The following CFAP61 variants were observed in gnomAD, a reference collection of about 807,000 sequenced individuals.
The protein encoded by CFAP61 is cilia and flagella associated protein 61.
Under a neutral mutation model 135.6 loss-of-function variants are expected in CFAP61, and 107 were observed. The observed-to-expected ratio is 0.79, with a 90% confidence interval of 0.67 to 0.93. The LOEUF (loss-of-function observed/expected upper bound fraction) is 0.93, where lower values mean the gene tolerates loss of function less well. CFAP61 is among the 40% of genes least tolerant of loss of function. CFAP61 has a pLI of 0.00. For synonymous variants in CFAP61, 575 were observed against 578.5 expected (o/e 0.99, Z 0.09); for missense variants, 1,507 against 1,556.2 (o/e 0.97, Z 0.53).
At chr20:20,240,861 C>G (rs886437889) in intron 18 of CFAP61, among the ~76,000 whole-genome samples, 4 of 152,220 alleles carry the variant, frequency 2.6e-5, no homozygotes, top group African/African-American at 9.6e-5. Flanking sequence ...GCAGCACTCT[C>G]TGCCCATTTC....
chr20:20,288,709 A>G lies in CFAP61; in HGVS notation c.2897A>G (p.Asn966Ser), dbSNP rs2054776315. Residue 966 changes from asparagine to serine, a missense_variant, in exon 23 of 27, where the codon AAC becomes AGC. Coordinates refer to ENST00000245957, the MANE Select transcript of CFAP61 (RefSeq NM_015585.4). ...VYDSRLVIDT[N>S]FHTNDIAIRA... The stretch of plus-strand genomic sequence containing the variant: ...GACAGTCGACTTGTGATTGATACCA[A>G]CTTCCACACCAACGACATAGCCATC... The G allele has an allele frequency of 6.2e-7, 1 of 1,613,992 alleles. No homozygotes were observed. Among genetic ancestry groups the G allele is most frequent in the Admixed American group, 1.7e-5 (1 of 59,998 alleles).
chr20:20,335,159 T>C (rs1354879187), intron 25 of CFAP61, among the ~76,000 whole-genome samples: 1 of 152,174 alleles, frequency 6.6e-6, no homozygotes, highest in Non-Finnish European at 1.5e-5. Flanking sequence ...GAGGTAGAAG[T>C]CACACATGGA....
chr20:20,229,351 T>A (rs1003110), intron 18 of CFAP61, among the ~76,000 whole-genome samples: 10,627 of 152,258 alleles, frequency 0.07, 1,178 homozygotes, highest in East Asian at 0.53. Context: ...TTTAAAAAGT[T>A]TCATAGATGT....
intron 25 of CFAP61, among the ~76,000 whole-genome samples, chr20:20,328,966 C>T (rs1180321631): frequency 6.6e-6 from 1 of 152,170 alleles, no homozygotes; most frequent in Non-Finnish European, 1.5e-5. Flanking sequence ...TCAAGAAACC[C>T]CTTGGGACCT....
intron 8 of CFAP61, among the ~76,000 whole-genome samples, chr20:20,122,111 T>C (rs1172281616): frequency 2.0e-5 from 3 of 151,278 alleles, no homozygotes; most frequent in East Asian, 3.9e-4. Flanking sequence ...CTCCCAGCTT[T>C]CCCCCCAAGT....
At chr20:20,093,464 T>C (rs921875627) in intron 7 of CFAP61, among the ~76,000 whole-genome samples, 8 of 151,336 alleles carry the variant, frequency 5.3e-5, no homozygotes, top group African/African-American at 1.9e-4. Flanking sequence ...AGACAGAGTC[T>C]TGCTCTGTTG....
At chr20:20,199,671 C>T (rs2056503432) in intron 16 of CFAP61, 97 bp from the exon 17 acceptor site, 13 of 1,378,584 alleles carry the variant, frequency 9.4e-6, no homozygotes, top group Admixed American at 4.3e-5. Context: ...CTGACTTGGC[C>T]GAGTTAAGAG....
chr20:20,203,818 C>G (rs2056740918), intron 17 of CFAP61, among the ~76,000 whole-genome samples: 1 of 152,046 alleles, frequency 6.6e-6, no homozygotes, highest in South Asian at 2.1e-4. Context: ...AGCTTCCAGT[C>G]TAGTTTCAGT....
At chr20:20,294,636 T>G (rs1286836494) in intron 24 of CFAP61, among the ~76,000 whole-genome samples, 1 of 152,126 alleles carries the variant, frequency 6.6e-6, no homozygotes, top group Non-Finnish European at 1.5e-5. Context: ...CGTTTAAAAA[T>G]AATACCAAAA....
intron 26 of CFAP61, among the ~76,000 whole-genome samples, chr20:20,355,231 G>A (rs2059045290): frequency 6.7e-6 from 1 of 148,696 alleles, no homozygotes; most frequent in Non-Finnish European, 1.5e-5. Flanking sequence ...ATCACACTAA[G>A]GGGAGGTGGT....
At position 20,263,025 on chromosome 20, in the gene CFAP61, C is replaced by T. The variant is rs764337986; in HGVS notation, c.2398C>T (p.Arg800Trp). ...TNREVPNSSQ[R>W]RYTGKVPCNH... is the part of the protein sequence containing the mutation. ...CAGGGAGGTTCCCAACAGCAGTCAG[C>T]GGCGGTACACGGGGAAAGTTCCTTG... The change falls in exon 21 of 27, where the codon CGG becomes TGG. Residue 800 changes from arginine (R) to tryptophan (W), a missense_variant. Transcript: ENST00000245957. 12 of 1,613,636 alleles carry T rather than the reference C, an allele frequency of 7.4e-6. No individual in the cohort carries two copies. Among genetic ancestry groups the T allele is most frequent in the Middle Eastern group, 3.3e-4 (2 of 6,080 alleles).
At chr20:20,201,279 C>T (rs138204385) in intron 17 of CFAP61, among the ~76,000 whole-genome samples, 10 of 152,310 alleles carry the variant, frequency 6.6e-5, no homozygotes, top group South Asian at 2.1e-4. Context: ...CACATGGGCA[C>T]CTGTTCCAGA....
At chr20:20,296,073 CCTCCTTTT>C (rs2055459100) in intron 24 of CFAP61, among the ~76,000 whole-genome samples, 1 of 33,816 alleles carries the variant, frequency 3.0e-5, no homozygotes, top group African/African-American at 1.1e-4. Flanking sequence ...CCCTTCCTTC[CCTCCTTTT>C]CTTCCTTCTT....
intron 25 of CFAP61, among the ~76,000 whole-genome samples, chr20:20,315,858 C>T (rs368947770): frequency 1.2e-4 from 18 of 152,202 alleles, no homozygotes; most frequent in African/African-American, 3.9e-4. Flanking sequence ...AGATACATGG[C>T]GTTATTTCTG....
intron 25 of CFAP61, 71 bp downstream of exon 25, chr20:20,298,457 G>A (rs1166128120): frequency 7.6e-7 from 1 of 1,322,692 alleles, no homozygotes; most frequent in Non-Finnish European, 1.1e-6. Flanking sequence ...TGAGGGACAT[G>A]TGTTGTGATG....
intron 25 of CFAP61, among the ~76,000 whole-genome samples, chr20:20,323,609 G>A (rs1292010677): frequency 1.3e-5 from 2 of 152,190 alleles, no homozygotes; most frequent in African/African-American, 4.8e-5. Flanking sequence ...GCCAAGGGCT[G>A]CACCTAGAGG....
chr20:20,285,488 T>C (rs2054514892), intron 22 of CFAP61, among the ~76,000 whole-genome samples: 1 of 152,210 alleles, frequency 6.6e-6, no homozygotes, highest in South Asian at 2.1e-4. Context: ...TTTCAGTCTC[T>C]TTTTTCTCTT....
intron 9 of CFAP61, among the ~76,000 whole-genome samples, chr20:20,149,105 ACT>A (rs1246989629): frequency 6.6e-6 from 1 of 152,156 alleles, no homozygotes; most frequent in Non-Finnish European, 1.5e-5. Flanking sequence ...AAAATACTTC[ACT>A]CAACAACAGC....
chr20:20,132,369 T>C (rs986906047), intron 8 of CFAP61, among the ~76,000 whole-genome samples: 3 of 152,092 alleles, frequency 2.0e-5, no homozygotes, highest in Non-Finnish European at 2.9e-5. Context: ...TACTAGGCTT[T>C]AGTTTAATTG....
Sources: allele counts gnomAD v4.1 joint callset (sites outside exome capture counted in the v4.1 genomes callset), GRCh38; gene constraint gnomAD v4.1.1; transcripts MANE v1.5; gene names NCBI Gene and HGNC (gene_info 2026-07-23, HGNC 2026-07-21).